The following NTN1 variants were observed in gnomAD, a reference collection of about 807,000 sequenced individuals.
NTN1 encodes the protein netrin-1.
Under a neutral mutation model 54.2 loss-of-function variants are expected in NTN1, and 11 were observed. The observed-to-expected ratio is 0.20, with a 90% CI of 0.13 to 0.34. The LOEUF (loss-of-function observed/expected upper bound fraction) is 0.34, where lower values mean the gene tolerates loss of function less well. NTN1 is among the 10% of genes least tolerant of loss of function. NTN1 has a pLI of 1.00. For missense variants in NTN1, 740 were observed against 893.1 expected (o/e 0.83, Z 2.18); for synonymous variants, 371 against 382.0 (o/e 0.97, Z 0.33).
intron 2 of NTN1, among the ~76,000 whole-genome samples, chr17:9,024,638 G>A (rs773453661): frequency 3.9e-4 from 59 of 152,316 alleles, no homozygotes; most frequent in Non-Finnish European, 6.3e-4. Flanking sequence ...AGAGTTTTGA[G>A]CAAGGGAATG....
At chr17:9,208,628 G>T (rs1905026865) in intron 5 of NTN1, among the ~76,000 whole-genome samples, 1 of 152,222 alleles carries the variant, frequency 6.6e-6, no homozygotes, top group African/African-American at 2.4e-5. Context: ...CAAGTGCCAA[G>T]GGGAAAGGCA....
chr17:9,087,388 A>G (rs12946593), intron 2 of NTN1, among the ~76,000 whole-genome samples: 82,052 of 151,998 alleles, frequency 0.54, 23,453 homozygotes, highest in East Asian at 0.95. Flanking sequence ...GTGTAGGGCA[A>G]GGTCTGATCC....
chr17:9,027,917 G>T (rs1314311709), intron 2 of NTN1, among the ~76,000 whole-genome samples: 2 of 151,994 alleles, frequency 1.3e-5, no homozygotes, highest in Non-Finnish European at 2.9e-5. Context: ...TCTTTAAGAA[G>T]GCCTTCCTCC....
intron 6 of NTN1, among the ~76,000 whole-genome samples, chr17:9,233,409 C>T (rs939220141): frequency 4.6e-5 from 7 of 152,022 alleles, no homozygotes; most frequent in East Asian, 1.9e-4. Flanking sequence ...CAACCTGGCC[C>T]GGGCGGGGAG....
intron 6 of NTN1, among the ~76,000 whole-genome samples, chr17:9,232,876 C>T (rs1905861837): frequency 6.6e-6 from 1 of 152,132 alleles, no homozygotes; most frequent in Non-Finnish European, 1.5e-5. Context: ...AGCATGTGCT[C>T]AGAGCTGCAT....
At chr17:9,026,244 T>G (rs191159031) in intron 2 of NTN1, among the ~76,000 whole-genome samples, 10 of 152,328 alleles carry the variant, frequency 6.6e-5, no homozygotes, top group Admixed American at 5.9e-4. Flanking sequence ...ATGGTCCTTA[T>G]AGATGACTAA....
chr17:9,105,660 TTCTC>T lies in NTN1; in HGVS notation c.1019-57135_1019-57132del, dbSNP rs72039051. On this transcript the variant is annotated intron_variant, in intron 2 of 6. Coordinates refer to ENST00000173229, the MANE Select transcript of NTN1 (RefSeq NM_004822.3). ...TGAGATCTGTTCTGTCTCTCTCTCT[TTCTC>T]TCTCTCTCTCTCTCTCTGTCTCTGT... 6.1e-4 allele frequency among the ~76,000 whole-genome samples: 86 copies of T among 142,042 alleles called. No homozygotes were observed. In the Middle Eastern group the frequency reaches 0.021, roughly 35 times the overall value. The allele number at this position is 142,042 out of a possible 152,430, so 93.2% of individuals were successfully genotyped here.
intron 5 of NTN1, among the ~76,000 whole-genome samples, chr17:9,214,302 CTGTT>C (rs1465567660): frequency 6.6e-6 from 1 of 152,114 alleles, no homozygotes; most frequent in Non-Finnish European, 1.5e-5. Flanking sequence ...GGATTTCTGT[CTGTT>C]TCATTTTTGT....
At position 9,182,980 on chromosome 17, in the gene NTN1, C is replaced by T; in HGVS notation, c.1411+11C>T. On this transcript the variant is annotated intron_variant, in intron 5 of 6. Transcript: ENST00000173229. ...TGGAGGAGCCTGAAGGTAAACGGCC[C>T]CCTTCGCTTCTCATTTCCCGCTTTT... The T allele has an allele frequency of 6.2e-7, 1 of 1,613,694 alleles. No individual in the cohort carries two copies. Among genetic ancestry groups the T allele is most frequent in the South Asian group, 1.1e-5 (1 of 91,034 alleles).
At chr17:9,214,293 G>T (rs1397572364) in intron 5 of NTN1, among the ~76,000 whole-genome samples, 1 of 152,110 alleles carries the variant, frequency 6.6e-6, no homozygotes, top group Non-Finnish European at 1.5e-5. Flanking sequence ...TTTCACTAAG[G>T]ATTTCTGTCT....
chr17:9,198,266 G>T (rs572822851), intron 5 of NTN1, among the ~76,000 whole-genome samples: 10 of 152,334 alleles, frequency 6.6e-5, no homozygotes, highest in Non-Finnish European at 1.3e-4. Flanking sequence ...TCATATCCAA[G>T]AAGTTGTCAT....
intron 2 of NTN1, among the ~76,000 whole-genome samples, chr17:9,150,908 C>A (rs768401682): frequency 1.3e-5 from 2 of 152,226 alleles, no homozygotes; most frequent in Non-Finnish European, 2.9e-5. Context: ...ACCACAGGGC[C>A]TGGGCTGTGC....
intron 2 of NTN1, among the ~76,000 whole-genome samples, chr17:9,107,221 T>G (rs553713105): frequency 6.6e-6 from 1 of 152,374 alleles, no homozygotes; most frequent in East Asian, 1.9e-4. Flanking sequence ...TATGTGAAAC[T>G]GTTTGGAGAC....
intron 2 of NTN1, among the ~76,000 whole-genome samples, chr17:9,055,103 G>A (rs1473853441): frequency 6.6e-6 from 1 of 152,176 alleles, no homozygotes; most frequent in East Asian, 1.9e-4. Context: ...CTGAGCGAAG[G>A]GCAACAATGT....
At chr17:9,123,740 C>G (rs930935446) in intron 2 of NTN1, among the ~76,000 whole-genome samples, 2 of 152,142 alleles carry the variant, frequency 1.3e-5, no homozygotes, top group African/African-American at 4.8e-5. Context: ...TCCCACCCCC[C>G]ATTTTGGGGG....
At chr17:9,231,894 C>T (rs967461834) in intron 6 of NTN1, among the ~76,000 whole-genome samples, 5 of 152,172 alleles carry the variant, frequency 3.3e-5, no homozygotes, top group Middle Eastern at 3.2e-3. Context: ...CTGCTGAGGG[C>T]GCTGGCCTCG....
intron 2 of NTN1, among the ~76,000 whole-genome samples, chr17:9,151,066 C>A (rs1195183851): frequency 6.6e-6 from 1 of 152,164 alleles, no homozygotes; most frequent in Non-Finnish European, 1.5e-5. Context: ...CTGGACATTT[C>A]TGCTTGAAGA....
intron 2 of NTN1, among the ~76,000 whole-genome samples, chr17:9,085,155 C>T (rs117785871): frequency 0.023 from 3,506 of 152,290 alleles, 57 homozygotes; most frequent in Middle Eastern, 0.058. Flanking sequence ...ATACCTCTTT[C>T]CCTCACTTCG....
At chr17:9,103,465 C>G (rs192882336) in intron 2 of NTN1, among the ~76,000 whole-genome samples, 1 of 152,212 alleles carries the variant, frequency 6.6e-6, no homozygotes, top group South Asian at 2.1e-4. Flanking sequence ...AGTGAGTTCT[C>G]ATGAGATCTG....
Sources: gnomAD v4.1 joint callset for allele counts (sites outside exome capture counted in the v4.1 genomes callset) on GRCh38, gnomAD v4.1.1 for gene constraint, MANE v1.5 for transcripts, NCBI Gene and HGNC (gene_info 2026-07-23, HGNC 2026-07-21) for gene names.